DDX60L: variants seen among roughly 807,000 people sequenced by gnomAD.
DDX60L encodes DExD/H-box 60 like.
A neutral mutation model predicts 211.6 loss-of-function variants in DDX60L; 191 were observed. The observed-to-expected ratio is 0.90, with a 90% CI of 0.80 to 1.02. The LOEUF (loss-of-function observed/expected upper bound fraction) is 1.02, where lower values mean the gene tolerates loss of function less well. DDX60L is among the 50% of genes least tolerant of loss of function. The pLI is 0.00. For synonymous variants in DDX60L, 706 were observed against 694.1 expected (o/e 1.02, Z -0.27); for missense variants, 2,007 against 1,984.1 (o/e 1.01, Z -0.22).
chr4:168,372,871 A>G (rs1333188884), intron 35 of DDX60L, among the ~76,000 whole-genome samples: 3 of 152,264 alleles, frequency 2.0e-5, no homozygotes, highest in Admixed American at 6.5e-5. Flanking sequence ...GTTCTTTTCT[A>G]TTTGTTTACT....
At chr4:168,437,764 C>A (rs2634947) in intron 10 of DDX60L, among the ~76,000 whole-genome samples, 2 of 152,134 alleles carry the variant, frequency 1.3e-5, no homozygotes, top group East Asian at 3.9e-4. Flanking sequence ...CTCAGTATAC[C>A]GTGGCTTGCT....
intron 36 of DDX60L, among the ~76,000 whole-genome samples, chr4:168,363,891 T>C (rs540243601): frequency 6.6e-6 from 1 of 152,284 alleles, no homozygotes; most frequent in East Asian, 1.9e-4. Flanking sequence ...AGTCTCCAGT[T>C]AAAAGATACA....
chr4:168,382,087 A>G (rs1341131771), intron 30 of DDX60L, among the ~76,000 whole-genome samples: 1 of 152,342 alleles, frequency 6.6e-6, no homozygotes, highest in East Asian at 1.9e-4. Flanking sequence ...GTAACTGGCC[A>G]TGATAATGAA....
chr4:168,418,772 C>A (rs900500691), intron 19 of DDX60L, among the ~76,000 whole-genome samples: 1 of 152,228 alleles, frequency 6.6e-6, no homozygotes, highest in Non-Finnish European at 1.5e-5. Context: ...TCCTCTCTGG[C>A]CAATGAGTCT....
chr4:168,361,017 G>T, intron 37 of DDX60L, 132 bp downstream of exon 37: 1 of 676,188 alleles, frequency 1.5e-6, no homozygotes, highest in Non-Finnish European at 2.6e-6. Context: ...GAATTGTAGA[G>T]AACCTGGGAG....
At chr4:168,394,323 G>A in intron 28 of DDX60L, 142 bp downstream of exon 28, 2 of 536,846 alleles carry the variant, frequency 3.7e-6, no homozygotes, top group Non-Finnish European at 6.3e-6. Context: ...TGGGATAGAT[G>A]GAGCAGTCCA....
At chr4:168,384,591 A>T in intron 30 of DDX60L, 21 bp downstream of exon 30, 1 of 1,613,246 alleles carries the variant, frequency 6.2e-7, no homozygotes, top group Non-Finnish European at 8.5e-7. Flanking sequence ...ACTGAACCTC[A>T]GGCAGTGTCC....
chr4:168,462,822 A>AAAAACG (rs1446927848), intron 4 of DDX60L, among the ~76,000 whole-genome samples: 2 of 152,000 alleles, frequency 1.3e-5, no homozygotes, highest in Non-Finnish European at 2.9e-5. Context: ...AAACAAAAAC[A>AAAAACG]AAAACAAAAG....
intron 1 of DDX60L, among the ~76,000 whole-genome samples, chr4:168,476,496 C>T (rs1369708417): frequency 6.6e-6 from 1 of 151,974 alleles, no homozygotes; most frequent in Non-Finnish European, 1.5e-5. Context: ...CTGATTATGC[C>T]TCTAATTTTA....
intron 19 of DDX60L, among the ~76,000 whole-genome samples, chr4:168,417,819 A>AAACC (rs1749830015): frequency 6.6e-6 from 1 of 152,242 alleles, no homozygotes; most frequent in African/African-American, 2.4e-5. Context: ...TAAACAGAAT[A>AAACC]CATCGTGACA....
chr4:168,437,405 A>G (rs1256424723), intron 10 of DDX60L, among the ~76,000 whole-genome samples: 1 of 152,186 alleles, frequency 6.6e-6, no homozygotes, highest in Non-Finnish European at 1.5e-5. Flanking sequence ...AGGAACACCA[A>G]GGATTGCCAG....
chr4:168,415,896 A>C (rs1749476395), intron 20 of DDX60L, 97 bp from the exon 21 acceptor site: 1 of 1,129,520 alleles, frequency 8.9e-7, no homozygotes, highest in Non-Finnish European at 1.2e-6. Context: ...AAGTTTAAAA[A>C]TTTAGAGCAT....
chr4:168,420,494 A>C, intron 17 of DDX60L, 114 bp from the exon 18 acceptor site: 2 of 797,500 alleles, frequency 2.5e-6, no homozygotes, highest in Non-Finnish European at 3.8e-6. Context: ...ACACACACAC[A>C]CACACACACA....
intron 33 of DDX60L, chr4:168,377,954 A>T (rs1742268385): frequency 6.5e-6 from 1 of 153,014 alleles, no homozygotes; most frequent in Non-Finnish European, 1.5e-5. Flanking sequence ...TTAGGTGACC[A>T]CCTCAATATT....
chr4:168,449,627 AACATTAAAAC>A (rs1755391435), intron 8 of DDX60L, among the ~76,000 whole-genome samples: 3 of 55,994 alleles, frequency 5.4e-5, no homozygotes, highest in Admixed American at 2.2e-4. Context: ...AAAAAAAAAA[AACATTAAAAC>A]AAAAAAAAAA....
intron 22 of DDX60L, among the ~76,000 whole-genome samples, chr4:168,411,743 T>C (rs1579460897): frequency 6.6e-6 from 1 of 152,094 alleles, no homozygotes; most frequent in African/African-American, 2.4e-5. Context: ...GTATGCAATC[T>C]ACTGAGACAC....
In DDX60L at chr4:168,421,886, A is replaced by G; in HGVS notation, c.2268T>C (p.Asp756=). 6.2e-7 allele frequency: 1 copy of G among 1,614,172 alleles called. No homozygotes were observed. Among genetic ancestry groups the G allele is most frequent in the South Asian group, 1.1e-5 (1 of 91,084 alleles). Residue 756 remains aspartate (D), a synonymous_variant, in exon 17 of 38, where the codon GAT becomes GAC. Coordinates refer to ENST00000682922, the MANE Select transcript of DDX60L (RefSeq NM_001012967.3). ...CAACAATCACTGCTGACTCATTCTT[A>G]TCTACCACATCCAGGAGTTCCTGCT... ...AWQQELLDVV[D]KNESAVIVAP...
chr4:168,449,971 T>C (rs1755576964), intron 8 of DDX60L, among the ~76,000 whole-genome samples: 1 of 152,110 alleles, frequency 6.6e-6, no homozygotes, highest in South Asian at 2.1e-4. Context: ...TGAACTAACT[T>C]TGGAAGGAAC....
intron 25 of DDX60L, among the ~76,000 whole-genome samples, chr4:168,402,330 A>G (rs1746979789): frequency 6.6e-6 from 1 of 152,054 alleles, no homozygotes; most frequent in Admixed American, 6.6e-5. Flanking sequence ...GCATTAAATG[A>G]TTCTTCTTAC....
Sources: allele counts gnomAD v4.1 joint callset (sites outside exome capture counted in the v4.1 genomes callset), GRCh38; gene constraint gnomAD v4.1.1; transcripts MANE v1.5; gene names NCBI Gene and HGNC (gene_info 2026-07-23, HGNC 2026-07-21).